PTPRN2: variants seen among roughly 807,000 people sequenced by gnomAD.
PTPRN2 encodes the protein receptor-type tyrosine-protein phosphatase N2.
In PTPRN2, 74 loss-of-function variants were observed where a neutral mutation model predicts 118.8. The observed-to-expected ratio is 0.62, with a 90% CI of 0.52 to 0.76. The LOEUF is 0.76. Ranked by LOEUF, PTPRN2 falls within the 30% of genes least tolerant of loss-of-function variation. PTPRN2 has a pLI of 0.00. For missense variants in PTPRN2, 1,481 were observed against 1,394.4 expected (o/e 1.06, Z -0.99); for synonymous variants, 641 against 608.0 (o/e 1.05, Z -0.80).
At position 157,953,831 on chromosome 7, in the gene PTPRN2, G is replaced by A. The variant is rs143679534; in HGVS notation, c.1724-55094C>T. Among the ~76,000 whole-genome samples the A allele has an allele frequency of 1.3e-3, 205 of 152,204 alleles. 1 individual carries two copies. Among genetic ancestry groups the A allele is most frequent in the African/African-American group, 4.8e-3 (199 of 41,512 alleles). Reference sequence around the variant, plus strand: ...GAGAAAGGAATGAGGGCATAAGAGCGGTGCTGGAGAAATGTAAGCAAATCC... The same window carrying A: ...GAGAAAGGAATGAGGGCATAAGAGCAGTGCTGGAGAAATGTAAGCAAATCC... On this transcript the variant is annotated intron_variant, in intron 11 of 22. Coordinates refer to ENST00000389418, the MANE Select transcript of PTPRN2 (RefSeq NM_002847.5). This position sits in a 1 kb window ranked among gnomAD's most constrained non-coding sequence, Gnocchi z 4.6.
intron 12 of PTPRN2, among the ~76,000 whole-genome samples, chr7:157,884,461 C>T (rs750954845): frequency 1.3e-5 from 2 of 152,192 alleles, no homozygotes; most frequent in African/African-American, 2.4e-5. Context: ...GCAGAGGGCT[C>T]GACTGAGGGT....
chr7:157,673,247 T>C (rs1263547), intron 13 of PTPRN2, among the ~76,000 whole-genome samples: 121,443 of 152,092 alleles, frequency 0.8, 48,965 homozygotes, highest in Non-Finnish European at 0.87. Flanking sequence ...TGGTCTCAAA[T>C]TCCTGACCTC....
At chr7:158,557,319 G>A (rs566755514) in intron 1 of PTPRN2, among the ~76,000 whole-genome samples, 32 of 142,510 alleles carry the variant, frequency 2.2e-4, no homozygotes, top group South Asian at 6.9e-4. Context: ...TCGCTCCCGC[G>A]CAGGGCAGGC....
At chr7:157,673,766 A>G (rs1029998677) in intron 13 of PTPRN2, among the ~76,000 whole-genome samples, 3 of 151,462 alleles carry the variant, frequency 2.0e-5, no homozygotes, top group African/African-American at 7.3e-5. Flanking sequence ...GTTCTCACGT[A>G]CTCTGAACCC....
At chr7:157,904,728 C>G (rs1252780700) in intron 11 of PTPRN2, among the ~76,000 whole-genome samples, 4 of 152,234 alleles carry the variant, frequency 2.6e-5, no homozygotes, top group African/African-American at 9.7e-5. Context: ...CTTGCTAGTT[C>G]ACTTTCTGGC....
At position 157,550,161 on chromosome 7, in the gene PTPRN2, C is replaced by A. The variant is rs1384478482; in HGVS notation, c.2903-1142G>T. Among the ~76,000 whole-genome samples the A allele has an allele frequency of 6.6e-6, 1 of 152,234 alleles. No homozygotes were observed. The highest frequency in any genetic ancestry group is 1.5e-5 in the Non-Finnish European group (1 of 68,042). On this transcript the variant is annotated intron_variant, in intron 21 of 22. Coordinates refer to ENST00000389418, the MANE Select transcript of PTPRN2 (RefSeq NM_002847.5). The surrounding 1 kb of genome is among the most constrained non-coding windows in gnomAD (Gnocchi z 5.2). ...CTCGCCCAGCGAATCAGGAGAGAAG[C>A]TTTAAAATTCCCGAGGTTCCTCAAT...
At chr7:158,558,755 A>AC (rs1827200565) in intron 1 of PTPRN2, among the ~76,000 whole-genome samples, 2 of 140,746 alleles carry the variant, frequency 1.4e-5, no homozygotes, top group South Asian at 2.3e-4. Flanking sequence ...TCAGTGCTAG[A>AC]CTAAAAAAAA....
At chr7:158,502,355 AAGG>A (rs1342645660) in intron 1 of PTPRN2, among the ~76,000 whole-genome samples, 3 of 152,374 alleles carry the variant, frequency 2.0e-5, no homozygotes, top group African/African-American at 7.2e-5. Context: ...GATTTATTAG[AAGG>A]AGATCAGGTT....
intron 10 of PTPRN2, among the ~76,000 whole-genome samples, chr7:158,085,266 A>C: frequency 2.0e-5 from 2 of 102,028 alleles, no homozygotes; most frequent in African/African-American, 4.1e-5. Context: ...CATGACACCC[A>C]TCCACACAGA....
At chr7:158,133,451 C>T (rs1034377371) in intron 9 of PTPRN2, among the ~76,000 whole-genome samples, 10 of 152,256 alleles carry the variant, frequency 6.6e-5, no homozygotes, top group Non-Finnish European at 1.2e-4. Flanking sequence ...CTTCAGAGAA[C>T]GGCTCTCCAG....
intron 11 of PTPRN2, among the ~76,000 whole-genome samples, chr7:158,008,155 G>C (rs1014527327): frequency 2.6e-5 from 4 of 151,244 alleles, no homozygotes; most frequent in Admixed American, 6.6e-5. Context: ...GAGTGTGTGT[G>C]GGTGTGCTGT....
intron 2 of PTPRN2, among the ~76,000 whole-genome samples, chr7:158,442,071 T>C: frequency 6.7e-6 from 1 of 149,520 alleles, no homozygotes; most frequent in Non-Finnish European, 1.5e-5. Context: ...ATGGCAGTGG[T>C]GGCAGTGGTG....
chr7:158,110,772 C>A, intron 10 of PTPRN2, 57 bp downstream of exon 10: 1 of 1,463,312 alleles, frequency 6.8e-7, no homozygotes. Flanking sequence ...CCCTCCCACC[C>A]AGTCTCTGCG....
chr7:158,478,875 G>T (rs559920848), intron 2 of PTPRN2, among the ~76,000 whole-genome samples: 1 of 152,344 alleles, frequency 6.6e-6, no homozygotes, highest in South Asian at 2.1e-4. Flanking sequence ...CAGTGGGAAT[G>T]GGGCAAAGAT....
chr7:158,071,319 G>C (rs1181352131), intron 11 of PTPRN2, among the ~76,000 whole-genome samples: 1 of 122,360 alleles, frequency 8.2e-6, no homozygotes, highest in Non-Finnish European at 1.8e-5. Context: ...GCCCATGGTA[G>C]TGGAGGTGCC....
chr7:158,146,552 T>C, intron 6 of PTPRN2, among the ~76,000 whole-genome samples: 1 of 151,652 alleles, frequency 6.6e-6, no homozygotes, highest in East Asian at 1.9e-4. Flanking sequence ...AAACCCCATC[T>C]CTACTAAAAA....
At chr7:157,753,839 G>A (rs55866933) in intron 12 of PTPRN2, among the ~76,000 whole-genome samples, 3,492 of 151,184 alleles carry the variant, frequency 0.023, 73 homozygotes, top group African/African-American at 0.054. Context: ...ATCCCCCACC[G>A]GTTCCTTGCC....
chr7:158,540,185 T>C (rs1248726549), intron 1 of PTPRN2, among the ~76,000 whole-genome samples: 1 of 152,174 alleles, frequency 6.6e-6, no homozygotes, highest in Non-Finnish European at 1.5e-5. Flanking sequence ...AGGGCCTCAC[T>C]CTGCATTTCC....
rs563462493 is a variant in PTPRN2 at position 158,087,205 on chromosome 7, G to A, written c.1644-5828C>T. 2.0e-5 allele frequency among the ~76,000 whole-genome samples: 3 copies of A among 152,332 alleles called. No homozygotes were observed. The East Asian group carries it at 5.8e-4, about 29-fold the overall frequency. The stretch of plus-strand genomic sequence containing the variant: ...ACTCTCTAAATTGACTATGGCTTGT[G>A]TGGGTTCACACAGTCCCCGCACGCT... On this transcript the variant is annotated intron_variant, in intron 10 of 22. Coordinates refer to ENST00000389418, the MANE Select transcript of PTPRN2 (RefSeq NM_002847.5).
Sources: allele counts gnomAD v4.1 joint callset (sites outside exome capture counted in the v4.1 genomes callset), GRCh38; gene constraint gnomAD v4.1.1; non-coding constraint Gnocchi (gnomAD v3.1); transcripts MANE v1.5; gene names NCBI Gene and HGNC (gene_info 2026-07-23, HGNC 2026-07-21).